The following SEMA4B variants were observed in gnomAD, a reference collection of about 807,000 sequenced individuals.
The protein encoded by SEMA4B is semaphorin 4B.
In SEMA4B, 55 loss-of-function variants were observed where a neutral mutation model predicts 88.1. The observed-to-expected ratio is 0.62, with a 90% confidence interval of 0.50 to 0.78. SEMA4B has a LOEUF of 0.78. Ranked by LOEUF, SEMA4B falls within the 30% of genes least tolerant of loss-of-function variation. The pLI, the probability that SEMA4B is intolerant of heterozygous loss-of-function variation, is 0.00. For missense variants in SEMA4B, 1,062 were observed against 1,111.9 expected, an observed-to-expected ratio of 0.96 and a Z score of 0.64; for synonymous variants, 525 against 473.6, an observed-to-expected ratio of 1.11 and a Z score of -1.41.
intron 4 of SEMA4B, 31 bp downstream of exon 4, chr15:90,219,922 ACCTGGGAACTG>A: frequency 6.6e-7 from 1 of 1,514,588 alleles, no homozygotes; most frequent in Non-Finnish European, 9.1e-7. Context: ...CCTGAGGCTG[ACCTGGGAACTG>A]CCCCTCTTTC....
chr15:90,202,083 G>A (rs1366837805), intron 1 of SEMA4B, among the ~76,000 whole-genome samples: 1 of 152,248 alleles, frequency 6.6e-6, no homozygotes, highest in Non-Finnish European at 1.5e-5. Flanking sequence ...CGCCCCCGAG[G>A]GCGGCTCGGG....
chr15:90,226,462 T>A (rs980901265), intron 12 of SEMA4B, among the ~76,000 whole-genome samples: 7 of 152,290 alleles, frequency 4.6e-5, no homozygotes, highest in African/African-American at 9.6e-5. Context: ...TGCCTCAGCC[T>A]CCCAAGTAGC....
chr15:90,195,499 T>A (rs538773264), intron 1 of SEMA4B, among the ~76,000 whole-genome samples: 1 of 152,344 alleles, frequency 6.6e-6, no homozygotes, highest in Admixed American at 6.5e-5. Flanking sequence ...GCTAGTTGTC[T>A]TGTAGAATAC....
intron 1 of SEMA4B, among the ~76,000 whole-genome samples, chr15:90,191,018 G>A (rs575643586): frequency 2.6e-5 from 4 of 152,352 alleles, no homozygotes; most frequent in Non-Finnish European, 4.4e-5. Flanking sequence ...GCGAGTGGGT[G>A]CAAAAGCAGA....
intron 1 of SEMA4B, chr15:90,206,595 G>A (rs1241084882): frequency 7.3e-6 from 4 of 551,698 alleles, no homozygotes; most frequent in African/African-American, 3.8e-5. Flanking sequence ...ATTGCTGCTG[G>A]AGGGGTAATG....
chr15:90,201,247 C>T (rs1239046880), upstream of SEMA4B: 2 of 989,518 alleles, frequency 2.0e-6, no homozygotes, highest in South Asian at 9.5e-5. Context: ...CTCGCGCTGC[C>T]AGCGCCCGGG....
intron 1 of SEMA4B, 130 bp downstream of exon 1, chr15:90,201,865 C>G (rs964991997): frequency 1.1e-6 from 1 of 897,208 alleles, no homozygotes; most frequent in South Asian, 2.2e-5. Context: ...ATTAGGACCC[C>G]TTCTTTTTTC....
chr15:90,188,828 C>T (rs890933137), intron 1 of SEMA4B, among the ~76,000 whole-genome samples: 6 of 151,728 alleles, frequency 4.0e-5, no homozygotes, highest in South Asian at 2.1e-4. Context: ...CCACCACGCC[C>T]GGCTAATTTT....
At chr15:90,201,899 G>A (rs1960761306) in intron 1 of SEMA4B, among the ~76,000 whole-genome samples, 164 bp downstream of exon 1, 1 of 152,234 alleles carries the variant, frequency 6.6e-6, no homozygotes, top group Non-Finnish European at 1.5e-5. Context: ...GAGGGAGGGA[G>A]AGGAGAGGGG....
chr15:90,225,718 A>G lies in SEMA4B; in HGVS notation c.1579A>G (p.Ser527Gly). The change falls in exon 12 of 14, where the codon AGC (serine) becomes GGC (glycine). Residue 527 changes from serine (S) to glycine (G), a missense_variant. By Grantham distance (56) the Ser-to-Gly change is moderately conservative (BLOSUM62 0). Coordinates refer to ENST00000411539, the MANE Select transcript of SEMA4B (RefSeq NM_198925.4). Reference sequence around the variant, plus strand: ...AGTCCAGGTGCCCATGGCCAACTGCAGCCTGTACAGGAGCTGTGGGGACTG... The same window carrying G: ...AGTCCAGGTGCCCATGGCCAACTGCGGCCTGTACAGGAGCTGTGGGGACTG... ...GVVQVPMANCSLYRSCGDCLL... is the reference protein window; with the variant it reads ...GVVQVPMANCGLYRSCGDCLL... The G allele has an allele frequency of 6.4e-7, 1 of 1,570,022 alleles. No individual in the cohort carries two copies. The highest frequency in any genetic ancestry group is 8.6e-7 in the Non-Finnish European group (1 of 1,158,560).
chr15:90,216,826 A>G (rs8031426), intron 1 of SEMA4B, among the ~76,000 whole-genome samples: 44,146 of 151,818 alleles, frequency 0.29, 6,843 homozygotes, highest in Non-Finnish European at 0.34. Context: ...CCTGGGCAAC[A>G]GAGCGAGACT....
At position 90,228,056 on chromosome 15, in the gene SEMA4B, C is replaced by G. The variant is rs1365283185; in HGVS notation, c.1927C>G (p.Leu643Val). The G allele has an allele frequency of 6.2e-7, 1 of 1,613,672 alleles. No individual in the cohort carries two copies. Among genetic ancestry groups the G allele is most frequent in the Non-Finnish European group, 8.5e-7 (1 of 1,179,808 alleles). ...ASCHVLPTGD[L>V]LLVGTQQLGE... ...CTGCCACGTGCTACCCACTGGGGAC[C>G]TGCTGCTGGTGGGCACCCAACAGCT... The change falls in exon 14 of 14, where the codon CTG becomes GTG. Residue 643 changes from leucine to valine, a missense_variant. By Grantham distance (32) the Leu-to-Val change is conservative. Coordinates refer to ENST00000411539, the MANE Select transcript of SEMA4B (RefSeq NM_198925.4).
At position 90,220,971 on chromosome 15, in the gene SEMA4B, C is replaced by T. The variant is rs3825998; in HGVS notation, c.484-11C>T. On this transcript the variant is annotated splice_polypyrimidine_tract_variant and intron_variant, in intron 4 of 13. Transcript: ENST00000411539. ...GAGTGCCCCTGAGCCCATGTGTCCA[C>T]CCTCCTGCAGAACATGGAGAACTTC... 10 of 1,575,596 alleles carry T rather than the reference C, an allele frequency of 6.3e-6. No homozygotes were observed. In the Admixed American group the frequency reaches 7.1e-5, roughly 11 times the overall value.
At position 90,223,737 on chromosome 15, in the gene SEMA4B, A is replaced by G; in HGVS notation, c.1040A>G (p.Gln347Arg). The G allele has an allele frequency of 6.2e-7, 1 of 1,604,918 alleles. No homozygotes were observed. The highest frequency in any genetic ancestry group is 2.2e-5 in the East Asian group (1 of 44,666). Residue 347 changes from glutamine (Q) to arginine (R), a missense_variant, in exon 8 of 14, where the codon CAG (glutamine) becomes CGG (arginine). By Grantham distance (43) the Gln-to-Arg change is conservative (BLOSUM62 1). Transcript: ENST00000411539. ...DTLFYGVFTS[Q>R]WHRGTTEGSA... ...CTTTTCTATGGGGTCTTCACTTCCC[A>G]GTGGTAGGGCCTCCAGACCTCGCTG...
At position 90,220,922 on chromosome 15, in the gene SEMA4B, A is replaced by G. The variant is rs189754013; in HGVS notation, c.484-60A>G. 627 of 1,156,822 alleles carry G rather than the reference A, an allele frequency of 5.4e-4. 6 individuals are homozygous for G. In the East Asian group the frequency reaches 0.014, roughly 26 times the overall value. The allele number at this position is 1,156,822 out of a possible 1,614,324, so 71.7% of individuals were successfully genotyped here. On this transcript the variant is annotated intron_variant, in intron 4 of 13. Transcript: ENST00000411539. ...TCTCCTGCACGCCTCTCTCTTTCTC[A>G]CCAAGCCTGCTCCTCATTCCCTGGA...
At chr15:90,224,087 G>A in intron 9 of SEMA4B, 99 bp downstream of exon 9, 9 of 1,175,832 alleles carry the variant, frequency 7.7e-6, no homozygotes, top group Non-Finnish European at 1.1e-5. Context: ...CAGATCACTT[G>A]GCTTCTCTGA....
intron 1 of SEMA4B, among the ~76,000 whole-genome samples, chr15:90,188,561 G>A (rs949729241): frequency 3.3e-5 from 5 of 152,064 alleles, no homozygotes; most frequent in Non-Finnish European, 4.4e-5. Flanking sequence ...CTGGGAGGCG[G>A]AGGCTGCAGT....
upstream of SEMA4B, among the ~76,000 whole-genome samples, chr15:90,198,674 G>GC (rs567236102): frequency 1.1e-3 from 160 of 152,248 alleles, 1 homozygote; most frequent in African/African-American, 3.0e-3. Flanking sequence ...CAGGTCAAAG[G>GC]CCCTGCTGGT....
rs11547964 is a variant in SEMA4B, at chr15:90,201,728, G to A, written c.150G>A (p.Leu50=). 296,336 of 1,461,536 alleles carry A rather than the reference G, an allele frequency of 0.2. 35,782 individuals carry two copies. Among genetic ancestry groups the A allele is most frequent in the East Asian group, 0.57 (20,630 of 36,092 alleles). The allele number at this position is 1,461,536 out of a possible 1,614,324, so 90.5% of individuals were successfully genotyped here. Residue 50 remains leucine, a synonymous_variant, in exon 1 of 14, where the codon CTG becomes CTA. Coordinates refer to ENST00000411539, the MANE Select transcript of SEMA4B (RefSeq NM_198925.4). ...GGGCGCTCAGCCCCCGGATCAGCCT[G>A]CCTCTGGGTGAGTGCCGGGGACCCG... ...PTWALSPRIS[L]PLGSEERPFL... is the part of the protein sequence containing the mutation.
Sources: allele counts gnomAD v4.1 joint callset (sites outside exome capture counted in the v4.1 genomes callset), GRCh38; gene constraint gnomAD v4.1.1; transcripts MANE v1.5; gene names NCBI Gene and HGNC (gene_info 2026-07-23, HGNC 2026-07-21).